Variants in VWA3B observed in about 807,000 individuals in gnomAD.
The protein encoded by VWA3B is von Willebrand factor A domain containing 3B.
VWA3B carries 138 observed loss-of-function variants against 158.3 expected under a neutral mutation model. That is an observed-to-expected ratio of 0.87 (90% confidence interval 0.76 to 1.00). VWA3B has a LOEUF of 1.00. Among genes scored for constraint, VWA3B ranks in the 50% least tolerant of loss-of-function variants. The pLI is 0.00. For missense variants in VWA3B, 1,555 were observed against 1,565.1 expected (o/e 0.99, Z 0.11); for synonymous variants, 596 against 587.3 (o/e 1.01, Z -0.21).
chr2:98,261,893 C>G (rs1687506657), intron 21 of VWA3B, among the ~76,000 whole-genome samples: 1 of 151,680 alleles, frequency 6.6e-6, no homozygotes. Flanking sequence ...TTGTGTTTAT[C>G]CTGCTGGAAG....
chr2:98,128,263 G>T lies in VWA3B; in HGVS notation c.727G>T (p.Val243Leu). The change falls in exon 6 of 28, where the codon GTG becomes TTG. Residue 243 changes from valine to leucine, a missense_variant. Physicochemically the swap from Val to Leu is conservative, Grantham distance 32. Transcript: ENST00000477737. ...GATTGAATCCATTTACTACTTTGTG[G>T]TGGGGGATGTTCCTGAAGAATCCAA... The part of the protein sequence containing the change: ...KTIESIYYFV[V>L]GDVPEESKEL... 1 of 1,614,184 alleles carries T rather than the reference G, an allele frequency of 6.2e-7. No homozygotes were observed. The highest frequency in any genetic ancestry group is 8.5e-7 in the Non-Finnish European group (1 of 1,180,018).
intron 7 of VWA3B, among the ~76,000 whole-genome samples, chr2:98,152,568 G>C (rs1056142501): frequency 6.6e-6 from 1 of 152,164 alleles, no homozygotes; most frequent in Non-Finnish European, 1.5e-5. Flanking sequence ...TTTGGAGAAG[G>C]CTTCATCTTT....
intron 7 of VWA3B, among the ~76,000 whole-genome samples, chr2:98,155,342 A>G (rs1677972992): frequency 6.6e-6 from 1 of 152,246 alleles, no homozygotes; most frequent in South Asian, 2.1e-4. Context: ...TCAACACACA[A>G]CAGATGGGTT....
At chr2:98,188,739 A>G (rs1173462255) in intron 10 of VWA3B, among the ~76,000 whole-genome samples, 1 of 152,210 alleles carries the variant, frequency 6.6e-6, no homozygotes, top group Non-Finnish European at 1.5e-5. Context: ...CAACTGAGAC[A>G]AAGGGCCAAC....
the VWA3B span, among the ~76,000 whole-genome samples, chr2:98,330,568 T>C: frequency 1.3e-5 from 2 of 152,282 alleles, no homozygotes; most frequent in Admixed American, 6.5e-5. Context: ...TCTGTATGAG[T>C]TGTCTGTATT....
chr2:98,133,725 C>A, intron 6 of VWA3B, 99 bp from the exon 7 acceptor site: 1 of 927,406 alleles, frequency 1.1e-6, no homozygotes, highest in Non-Finnish European at 1.7e-6. Context: ...ATGAAGATGC[C>A]CAGTGCTGCC....
In VWA3B at chr2:98,298,029, C is replaced by T. The variant is rs199657811; in HGVS notation, c.3280C>T (p.Gln1094Ter). The change falls in exon 24 of 28, where the codon CAG becomes TAG. Residue 1094 changes from glutamine to a stop codon, truncating the protein, a stop_gained and splice_region_variant. Coordinates refer to ENST00000477737, the MANE Select transcript of VWA3B (RefSeq NM_144992.5). LOFTEE classifies it high-confidence loss of function. ...VGGAMPCPLL[Q>*]VGDYVFAKIV... is the part of the protein sequence containing the mutation. ...GGGCGCCATGCCCTGCCCGCTGCTCCAGGTACCCAGTCCCTGATGTGTTCT... is the reference window on the plus strand; with the variant it reads ...GGGCGCCATGCCCTGCCCGCTGCTCTAGGTACCCAGTCCCTGATGTGTTCT... 1.3e-4 allele frequency: 203 copies of T among 1,554,652 alleles called. No homozygotes were observed. The highest frequency in any genetic ancestry group is 1.8e-4 in the Admixed American group (9 of 51,178).
intron 21 of VWA3B, among the ~76,000 whole-genome samples, chr2:98,262,052 G>T (rs1293516202): frequency 6.6e-6 from 1 of 151,684 alleles, no homozygotes; most frequent in Non-Finnish European, 1.5e-5. Flanking sequence ...TTTTTTACAT[G>T]ATTCCTGGAC....
chr2:98,226,275 AC>A (rs1684908102), intron 14 of VWA3B, among the ~76,000 whole-genome samples: 1 of 152,232 alleles, frequency 6.6e-6, no homozygotes, highest in Non-Finnish European at 1.5e-5. Flanking sequence ...CACCCACACA[AC>A]ATGCTCGACT....
chr2:98,105,492 C>T (rs190053623), intron 2 of VWA3B, among the ~76,000 whole-genome samples: 117 of 152,324 alleles, frequency 7.7e-4, no homozygotes, highest in African/African-American at 2.8e-3. Flanking sequence ...TTTATCACCA[C>T]AAAGATCTTC....
At chr2:98,178,624 G>C (rs1446569716) in intron 8 of VWA3B, among the ~76,000 whole-genome samples, 2 of 152,166 alleles carry the variant, frequency 1.3e-5, no homozygotes, top group Non-Finnish European at 2.9e-5. Context: ...AGCTGATGGG[G>C]TTACCAAGTC....
intron 14 of VWA3B, among the ~76,000 whole-genome samples, chr2:98,225,874 T>TA (rs939904118): frequency 1.3e-5 from 2 of 152,164 alleles, no homozygotes; most frequent in African/African-American, 4.8e-5. Flanking sequence ...TTTATGCACC[T>TA]AAAAAAGTAT....
At chr2:98,287,038 GT>G (rs1174863265) in intron 22 of VWA3B, among the ~76,000 whole-genome samples, 1 of 152,180 alleles carries the variant, frequency 6.6e-6, no homozygotes, top group African/African-American at 2.4e-5. Flanking sequence ...CTCCTTTAGA[GT>G]TTTAGGCTCA....
intron 21 of VWA3B, among the ~76,000 whole-genome samples, chr2:98,265,732 C>T (rs1281133665): frequency 4.0e-5 from 6 of 150,206 alleles, no homozygotes; most frequent in South Asian, 2.1e-4. Context: ...TAATGATTGC[C>T]GTTCTAACTG....
chr2:98,304,980 A>G (rs62155310), intron 26 of VWA3B, among the ~76,000 whole-genome samples: 5,926 of 152,156 alleles, frequency 0.039, 168 homozygotes, highest in Middle Eastern at 0.075. Context: ...GGATATAGGC[A>G]TCCACCCTTA....
At chr2:98,137,052 C>T (rs1013604789) in intron 7 of VWA3B, among the ~76,000 whole-genome samples, 3 of 152,192 alleles carry the variant, frequency 2.0e-5, no homozygotes, top group African/African-American at 7.2e-5. Context: ...TTCATCCACC[C>T]ATGGACTTTT....
chr2:98,095,189 A>G (rs949944566), intron 2 of VWA3B, among the ~76,000 whole-genome samples: 3 of 152,140 alleles, frequency 2.0e-5, no homozygotes, highest in Non-Finnish European at 2.9e-5. Flanking sequence ...GTTAGGGGTT[A>G]CACTAAATCT....
chr2:98,114,528 T>C (rs1326455872), intron 2 of VWA3B, among the ~76,000 whole-genome samples: 1 of 152,198 alleles, frequency 6.6e-6, no homozygotes, highest in East Asian at 1.9e-4. Flanking sequence ...TCAGCCTTGC[T>C]CTTTTTAGCT....
rs201142083 is a variant in VWA3B, at chr2:98,223,308, C to G, written c.2020-4894C>G. Among the ~76,000 whole-genome samples, 224 of 123,556 alleles carry G rather than the reference C, an allele frequency of 1.8e-3. 3 individuals are homozygous for G. The highest frequency in any genetic ancestry group is 5.5e-3 in the Admixed American group (66 of 11,904). 81.1% of individuals were successfully genotyped at this position (123,556 alleles called of 152,430 possible). On this transcript the variant is annotated intron_variant, in intron 14 of 27. Coordinates refer to ENST00000477737, the MANE Select transcript of VWA3B (RefSeq NM_144992.5). ...TCTAAACAACAGAGAGAAAATAGACCAAAAAAAAAAAAAAAGGTAGAGCCA... is the reference window on the plus strand; with the variant it reads ...TCTAAACAACAGAGAGAAAATAGACGAAAAAAAAAAAAAAAGGTAGAGCCA...
Sources: allele counts gnomAD v4.1 joint callset (sites outside exome capture counted in the v4.1 genomes callset), GRCh38; gene constraint gnomAD v4.1.1; transcripts MANE v1.5; gene names NCBI Gene and HGNC (gene_info 2026-07-23, HGNC 2026-07-21).